ASIC2: variants seen among roughly 807,000 people sequenced by gnomAD.
ASIC2 encodes the protein acid-sensing ion channel 2.
ASIC2 carries 25 observed loss-of-function variants against 57.3 expected under a neutral mutation model. The ratio of observed to expected loss-of-function variants is 0.44; its 90% confidence interval spans 0.32 to 0.61. The LOEUF (loss-of-function observed/expected upper bound fraction) is 0.61. Ranked by LOEUF, ASIC2 falls within the 20% of genes least tolerant of loss-of-function variation. The pLI, the probability that ASIC2 is intolerant of heterozygous loss-of-function variation, is 0.06. For missense variants in ASIC2, 641 were observed against 738.1 expected, an observed-to-expected ratio of 0.87 and a Z score of 1.52; for synonymous variants, 319 against 307.5, an observed-to-expected ratio of 1.04 and a Z score of -0.39.
chr17:33,926,600 C>T (rs1320810886), intron 1 of ASIC2, among the ~76,000 whole-genome samples: 2 of 152,200 alleles, frequency 1.3e-5, no homozygotes, highest in Admixed American at 6.5e-5. Context: ...CTTTGTGCCA[C>T]CATTATTCCT....
At chr17:33,901,718 T>C (rs975957191) in intron 1 of ASIC2, among the ~76,000 whole-genome samples, 1 of 152,148 alleles carries the variant, frequency 6.6e-6, no homozygotes, top group Non-Finnish European at 1.5e-5. Flanking sequence ...AGAATTCTGA[T>C]GGCATAGAAA....
At chr17:33,431,499 G>A (rs1023321138) in intron 1 of ASIC2, among the ~76,000 whole-genome samples, 1 of 152,102 alleles carries the variant, frequency 6.6e-6, no homozygotes, top group African/African-American at 2.4e-5. Flanking sequence ...AGCTACTCAG[G>A]GGGGCTGAGG....
At chr17:34,043,524 A>G (rs534789021) in intron 1 of ASIC2, among the ~76,000 whole-genome samples, 1 of 152,336 alleles carries the variant, frequency 6.6e-6, no homozygotes, top group South Asian at 2.1e-4. Flanking sequence ...TCAAATATAT[A>G]AATTTTAAAA....
At chr17:34,083,907 G>A (rs920784458) in intron 1 of ASIC2, among the ~76,000 whole-genome samples, 35 of 151,970 alleles carry the variant, frequency 2.3e-4, no homozygotes, top group African/African-American at 6.0e-4. Context: ...AGTTCATTGT[G>A]GATTCTGGAT....
intron 1 of ASIC2, among the ~76,000 whole-genome samples, chr17:33,883,584 G>A (rs865780059): frequency 6.6e-6 from 1 of 152,106 alleles, no homozygotes; most frequent in African/African-American, 2.4e-5. Context: ...CTCCAAATCT[G>A]TTCTAGCCCC....
chr17:33,649,101 G>A (rs535651093), intron 1 of ASIC2, among the ~76,000 whole-genome samples: 14 of 152,282 alleles, frequency 9.2e-5, no homozygotes, highest in African/African-American at 3.4e-4. Flanking sequence ...ATACATGTCA[G>A]AAAGGAAGAA....
At chr17:33,036,634 T>C (rs1478825668) in intron 3 of ASIC2, among the ~76,000 whole-genome samples, 2 of 151,950 alleles carry the variant, frequency 1.3e-5, no homozygotes, top group East Asian at 3.9e-4. Context: ...GATGGAGTGT[T>C]GTTAGGGTCT....
intron 1 of ASIC2, among the ~76,000 whole-genome samples, chr17:33,768,547 T>C (rs1349417882): frequency 6.6e-6 from 1 of 152,120 alleles, no homozygotes; most frequent in Non-Finnish European, 1.5e-5. Context: ...TTTAACTCAA[T>C]ATCATGTACT....
intron 1 of ASIC2, among the ~76,000 whole-genome samples, chr17:33,132,479 A>G (rs142902499): frequency 1.3e-3 from 192 of 152,302 alleles, no homozygotes; most frequent in African/African-American, 4.1e-3. Flanking sequence ...AGTTGTTTTC[A>G]GGTCCCCCGT....
At chr17:33,650,360 G>T in intron 1 of ASIC2, among the ~76,000 whole-genome samples, 1 of 152,120 alleles carries the variant, frequency 6.6e-6, no homozygotes, top group Admixed American at 6.5e-5. Context: ...GGGAGAAACT[G>T]GATCACTCAG....
At chr17:33,847,303 C>T (rs1357825313) in intron 1 of ASIC2, among the ~76,000 whole-genome samples, 1 of 151,988 alleles carries the variant, frequency 6.6e-6, no homozygotes, top group Non-Finnish European at 1.5e-5. Context: ...TAACACCCTG[C>T]TTTATCCACC....
At chr17:33,862,404 A>C (rs138764937) in intron 1 of ASIC2, among the ~76,000 whole-genome samples, 1 of 152,092 alleles carries the variant, frequency 6.6e-6, no homozygotes, top group East Asian at 1.9e-4. Context: ...TTTCTTTTTG[A>C]AATTTTATTT....
chr17:33,727,049 A>C (rs184463437), intron 1 of ASIC2, among the ~76,000 whole-genome samples: 48 of 152,344 alleles, frequency 3.2e-4, no homozygotes, highest in African/African-American at 1.2e-3. Flanking sequence ...GGTTTTGGTC[A>C]TTACACATTC....
intron 1 of ASIC2, among the ~76,000 whole-genome samples, chr17:34,142,634 GC>G (rs1912303179): frequency 6.6e-6 from 1 of 152,170 alleles, no homozygotes; most frequent in Non-Finnish European, 1.5e-5. Context: ...CTTATTCACT[GC>G]CATTTGCAAA....
chr17:33,078,661 C>T (rs1469962880), intron 3 of ASIC2, among the ~76,000 whole-genome samples: 1 of 152,186 alleles, frequency 6.6e-6, no homozygotes, highest in Non-Finnish European at 1.5e-5. Flanking sequence ...TGGTCTCCAA[C>T]TCCTGATTCT....
At chr17:33,177,876 A>C (rs549654948) in intron 1 of ASIC2, among the ~76,000 whole-genome samples, 19 of 152,292 alleles carry the variant, frequency 1.2e-4, no homozygotes, top group African/African-American at 4.6e-4. Context: ...GGGCTGGTCT[A>C]GTCGTCTGGA....
At chr17:33,163,843 G>T (rs1364953243) in intron 1 of ASIC2, among the ~76,000 whole-genome samples, 2 of 152,198 alleles carry the variant, frequency 1.3e-5, no homozygotes, top group African/African-American at 2.4e-5. Context: ...TCAGTAGGTG[G>T]TTGGGGAGGT....
chr17:34,151,018 G>A (rs1046829508), intron 1 of ASIC2, among the ~76,000 whole-genome samples: 3 of 150,370 alleles, frequency 2.0e-5, no homozygotes, highest in Non-Finnish European at 4.4e-5. Flanking sequence ...CAGGAGAATC[G>A]CTTGAACCTG....
At chr17:33,572,666 T>G (rs367902659) in intron 1 of ASIC2, among the ~76,000 whole-genome samples, 2 of 152,214 alleles carry the variant, frequency 1.3e-5, no homozygotes, top group African/African-American at 2.4e-5. Flanking sequence ...TCAAATCTTA[T>G]GACACCAGGC....
Sources: gnomAD v4.1 joint callset for allele counts (sites outside exome capture counted in the v4.1 genomes callset) on GRCh38, gnomAD v4.1.1 for gene constraint, MANE v1.5 for transcripts, NCBI Gene and HGNC (gene_info 2026-07-23, HGNC 2026-07-21) for gene names.